LMX1B: variants seen among roughly 807,000 people sequenced by gnomAD.
LMX1B encodes LIM homeobox transcription factor 1-beta.
In LMX1B, 12 loss-of-function variants were observed where a neutral mutation model predicts 51.4. That is an observed-to-expected ratio of 0.23 (90% CI 0.15 to 0.38). The LOEUF (loss-of-function observed/expected upper bound fraction) is 0.38. Among genes scored for constraint, LMX1B ranks in the 10% least tolerant of loss-of-function variants. The pLI is 1.00. For synonymous variants in LMX1B, 237 were observed against 235.4 expected (o/e 1.01, Z -0.06); for missense variants, 445 against 571.1 (o/e 0.78, Z 2.25).
At chr9:126,620,222 T>A (rs1275569927) in intron 2 of LMX1B, among the ~76,000 whole-genome samples, 2 of 152,170 alleles carry the variant, frequency 1.3e-5, no homozygotes, top group Non-Finnish European at 2.9e-5. Flanking sequence ...AGCCATTGCC[T>A]TTCCCTTCGT....
Position 126,641,469 on chromosome 9 carries a change from CAT to C in LMX1B, c.326+25901_326+25902del, listed in dbSNP as rs1373853603. ...TAATAGCAGGAACAGGACATGAACC[CAT>C]GTCTGCATATCTTCATGGGCCCTGC... On this transcript the variant is annotated intron_variant, in intron 2 of 7. Transcript: ENST00000373474. The surrounding 1 kb of genome is among the most constrained non-coding windows in gnomAD (Gnocchi z 4.1). Among the ~76,000 whole-genome samples the C allele has an allele frequency of 6.6e-6, 1 of 152,194 alleles. No homozygotes were observed. The highest frequency in any genetic ancestry group is 2.4e-5 in the African/African-American group (1 of 41,444).
intron 2 of LMX1B, among the ~76,000 whole-genome samples, chr9:126,629,348 G>C (rs1026831386): frequency 3.9e-5 from 6 of 152,226 alleles, no homozygotes; most frequent in African/African-American, 1.4e-4. Context: ...TGCTTGTTTA[G>C]CACTTGTGGT....
chr9:126,691,916 G>A (rs982214739), intron 3 of LMX1B, among the ~76,000 whole-genome samples: 1 of 152,224 alleles, frequency 6.6e-6, no homozygotes, highest in Admixed American at 6.5e-5. Flanking sequence ...CAATTTGAAG[G>A]CCTCCTGGCA....
chr9:126,617,542 A>G (rs1222655669), intron 2 of LMX1B, among the ~76,000 whole-genome samples: 1 of 152,064 alleles, frequency 6.6e-6, no homozygotes, highest in African/African-American at 2.4e-5. Flanking sequence ...ACAGAATGGT[A>G]AAGTCACGAA....
chr9:126,683,268 C>A (rs1275185522), intron 2 of LMX1B, among the ~76,000 whole-genome samples: 1 of 151,312 alleles, frequency 6.6e-6, no homozygotes, highest in Non-Finnish European at 1.5e-5. Context: ...GATTGACGCG[C>A]GTACCGGGGC....
intron 2 of LMX1B, among the ~76,000 whole-genome samples, chr9:126,690,251 C>A (rs772455744): frequency 6.6e-6 from 1 of 152,096 alleles, no homozygotes; most frequent in Non-Finnish European, 1.5e-5. Flanking sequence ...CAGCTTGATC[C>A]GATTTGTATT....
chr9:126,678,328 AC>A (rs1836609402), intron 2 of LMX1B, among the ~76,000 whole-genome samples: 35 of 108,610 alleles, frequency 3.2e-4, no homozygotes, highest in African/African-American at 1.4e-3. Context: ...AAAACAAAAA[AC>A]AAAAAAAAAA....
At chr9:126,642,188 G>A (rs1335287957) in intron 2 of LMX1B, among the ~76,000 whole-genome samples, 1 of 152,146 alleles carries the variant, frequency 6.6e-6, no homozygotes, top group African/African-American at 2.4e-5. Context: ...GCTACAACAG[G>A]GCCTGGCACA....
At chr9:126,665,486 A>T (rs1205298432) in intron 2 of LMX1B, among the ~76,000 whole-genome samples, 1 of 152,070 alleles carries the variant, frequency 6.6e-6, no homozygotes, top group Non-Finnish European at 1.5e-5. Flanking sequence ...CCCAGTTTGG[A>T]GCTTGGCGGC....
intron 2 of LMX1B, among the ~76,000 whole-genome samples, chr9:126,650,318 A>AG (rs1468981342): frequency 6.6e-6 from 1 of 152,130 alleles, no homozygotes; most frequent in Non-Finnish European, 1.5e-5. Flanking sequence ...CATCTTTTCT[A>AG]GGGGCCAGAG....
chr9:126,635,408 A>G (rs1005493139), intron 2 of LMX1B, among the ~76,000 whole-genome samples: 6 of 152,210 alleles, frequency 3.9e-5, no homozygotes, highest in African/African-American at 1.2e-4. Flanking sequence ...AGGAGATGCT[A>G]TGGCGAGGGC....
At position 126,690,986 on chromosome 9, in the gene LMX1B, G is replaced by C; in HGVS notation, c.477G>C (p.Lys159Asn). 1 of 1,614,106 alleles carries C rather than the reference G, an allele frequency of 6.2e-7. No homozygotes were observed. Among genetic ancestry groups the C allele is most frequent in the African/African-American group, 1.3e-5 (1 of 75,062 alleles). Reference sequence around the variant, plus strand: ...GCAAGGGCGACGAATTCGTGCTCAAGGAGGGCCAGCTGCTGTGCAAGGGTG... The same window carrying C: ...GCAAGGGCGACGAATTCGTGCTCAACGAGGGCCAGCTGCTGTGCAAGGGTG... ...QLRKGDEFVLKEGQLLCKGDY... is the reference protein window; with the variant it reads ...QLRKGDEFVLNEGQLLCKGDY... The change falls in exon 3 of 8, where the codon AAG becomes AAC. Residue 159 changes from lysine (K) to asparagine (N), a missense_variant. Coordinates refer to ENST00000373474, the MANE Select transcript of LMX1B (RefSeq NM_001174147.2).
chr9:126,629,298 GAGCATGCACGAC>G (rs1347824372), intron 2 of LMX1B, among the ~76,000 whole-genome samples: 1 of 152,192 alleles, frequency 6.6e-6, no homozygotes, highest in East Asian at 1.9e-4. Context: ...GGCAGACCTG[GAGCATGCACGAC>G]AGCAGCAGCA....
chr9:126,674,106 A>T (rs1389631740), intron 2 of LMX1B, among the ~76,000 whole-genome samples: 1 of 151,906 alleles, frequency 6.6e-6, no homozygotes. Flanking sequence ...TCTAGGGGGG[A>T]AACCTCTAGT....
intron 2 of LMX1B, among the ~76,000 whole-genome samples, chr9:126,675,244 G>A (rs1321818530): frequency 6.6e-6 from 1 of 152,132 alleles, no homozygotes; most frequent in African/African-American, 2.4e-5. Context: ...GGTGTATGTG[G>A]GCTTGTGTAT....
At chr9:126,664,595 G>C (rs2118929978) in intron 2 of LMX1B, among the ~76,000 whole-genome samples, 1 of 152,354 alleles carries the variant, frequency 6.6e-6, no homozygotes, top group East Asian at 1.9e-4. Context: ...GCACAAGTTG[G>C]CTGGGCGCGG....
intron 2 of LMX1B, among the ~76,000 whole-genome samples, chr9:126,663,423 CAAA>C (rs58849866): frequency 1.8e-5 from 2 of 112,720 alleles, no homozygotes; most frequent in Non-Finnish European, 1.9e-5. Flanking sequence ...GACTCTTTCT[CAAA>C]AAAAAAAAAA....
At chr9:126,681,717 A>G (rs1836676119) in intron 2 of LMX1B, among the ~76,000 whole-genome samples, 1 of 152,080 alleles carries the variant, frequency 6.6e-6, no homozygotes, top group Admixed American at 6.5e-5. Flanking sequence ...CCTGGCCAAC[A>G]TAGTGAAACC....
At chr9:126,667,275 C>G (rs1419878748) in intron 2 of LMX1B, among the ~76,000 whole-genome samples, 1 of 152,226 alleles carries the variant, frequency 6.6e-6, no homozygotes, top group Non-Finnish European at 1.5e-5. Flanking sequence ...ACGCTGAGAA[C>G]ACCTGCGCAC....
Sources: gnomAD v4.1 joint callset for allele counts (sites outside exome capture counted in the v4.1 genomes callset) on GRCh38, gnomAD v4.1.1 for gene constraint, Gnocchi (gnomAD v3.1) non-coding constraint, MANE v1.5 for transcripts, NCBI Gene and HGNC (gene_info 2026-07-23, HGNC 2026-07-21) for gene names.